The following CYP19A1 variants were observed in gnomAD, a reference collection of about 807,000 sequenced individuals.
CYP19A1 encodes the protein aromatase.
A neutral mutation model predicts 44.4 loss-of-function variants in CYP19A1; 32 were observed. The ratio of observed to expected loss-of-function variants is 0.72; its 90% CI spans 0.54 to 0.97. CYP19A1 has a LOEUF of 0.97. Among genes scored for constraint, CYP19A1 ranks in the 50% least tolerant of loss-of-function variants. CYP19A1 has a pLI of 0.00. For synonymous variants in CYP19A1, 212 were observed against 215.6 expected, an observed-to-expected ratio of 0.98 and a Z score of 0.14; for missense variants, 598 against 637.8, an observed-to-expected ratio of 0.94 and a Z score of 0.67.
chr15:51,297,402 G>A (rs1319729232), intron 1 of CYP19A1, among the ~76,000 whole-genome samples: 2 of 152,204 alleles, frequency 1.3e-5, no homozygotes, highest in Non-Finnish European at 2.9e-5. Context: ...GGGAGACAGA[G>A]TCCCATGGAG....
rs1475850066 is a variant in CYP19A1 at position 51,210,650 on chromosome 15, T to C, written c.*158A>G. ...GGTGTGAACAGGAGCAGATGACAAA[T>C]AGCACCTAGCTTGGTGACAACCCAT... On this transcript the variant is annotated 3_prime_UTR_variant, in exon 10 of 10. Transcript: ENST00000396402. 1 of 757,140 alleles carries C rather than the reference T, an allele frequency of 1.3e-6. No individual in the cohort carries two copies. The highest frequency in any genetic ancestry group is 2.4e-6 in the Non-Finnish European group (1 of 411,750). The allele number at this position is 757,140 out of a possible 1,614,324, so 46.9% of individuals were successfully genotyped here.
chr15:51,309,311 C>T (rs947114790), intron 1 of CYP19A1, among the ~76,000 whole-genome samples: 1 of 152,116 alleles, frequency 6.6e-6, no homozygotes, highest in Admixed American at 6.5e-5. Context: ...TTCTAGCCTC[C>T]AGAACAATGA....
intron 1 of CYP19A1, among the ~76,000 whole-genome samples, chr15:51,327,660 ATG>A (rs2036632985): frequency 6.6e-6 from 1 of 152,132 alleles, no homozygotes; most frequent in African/African-American, 2.4e-5. Flanking sequence ...CAACAGACAG[ATG>A]CGTGTTCTTC....
intron 1 of CYP19A1, among the ~76,000 whole-genome samples, chr15:51,291,106 T>G (rs906156086): frequency 6.6e-6 from 1 of 152,172 alleles, no homozygotes; most frequent in Non-Finnish European, 1.5e-5. Context: ...GGCAGAAAAC[T>G]AGGTTTGAGG....
intron 1 of CYP19A1, chr15:51,318,689 C>T (rs1364681687): frequency 6.6e-6 from 1 of 152,202 alleles, no homozygotes; most frequent in Admixed American, 6.5e-5. Flanking sequence ...TTCACAGATT[C>T]CAGAGGGCTG....
intron 1 of CYP19A1, among the ~76,000 whole-genome samples, chr15:51,286,620 C>T (rs2035707115): frequency 1.3e-5 from 2 of 152,126 alleles, no homozygotes; most frequent in African/African-American, 4.8e-5. Context: ...AAAGGGAATC[C>T]TCCCCAAGAA....
intron 6 of CYP19A1, among the ~76,000 whole-genome samples, chr15:51,217,004 C>T (rs952249210): frequency 1.3e-5 from 2 of 152,142 alleles, no homozygotes; most frequent in African/African-American, 4.8e-5. Flanking sequence ...TACAATAAAT[C>T]CATCTTCCAA....
chr15:51,287,408 T>C (rs1008991135), intron 1 of CYP19A1, among the ~76,000 whole-genome samples: 1 of 152,154 alleles, frequency 6.6e-6, no homozygotes, highest in Non-Finnish European at 1.5e-5. Flanking sequence ...CTGCTTGGAA[T>C]TGGCCCGGAA....
At chr15:51,269,557 A>T (rs1010560083) in intron 1 of CYP19A1, among the ~76,000 whole-genome samples, 20 of 152,030 alleles carry the variant, frequency 1.3e-4, no homozygotes, top group Admixed American at 7.2e-4. Context: ...AAACAACAAC[A>T]ACTACCACTA....
intron 3 of CYP19A1, among the ~76,000 whole-genome samples, chr15:51,233,688 A>C (rs549547212): frequency 2.0e-5 from 3 of 152,374 alleles, no homozygotes; most frequent in East Asian, 3.9e-4. Context: ...AATTGCTAAC[A>C]GATATGCAAA....
rs2031464149 is a variant in CYP19A1 at position 51,215,323 on chromosome 15, A to G, written c.859-91T>C. On this transcript the variant is annotated intron_variant, in intron 7 of 9. Coordinates refer to ENST00000396402, the MANE Select transcript of CYP19A1 (RefSeq NM_000103.4). ...TGACACTCAAGGATCAACAACCTCA[A>G]CAAAATGAAATCATAGAAACCACAT... The G allele has an allele frequency of 3.2e-6, 5 of 1,571,724 alleles. No individual in the cohort carries two copies. In the East Asian group the frequency reaches 9.1e-5, roughly 28 times the overall value.
At chr15:51,282,962 G>C (rs1291396826) in intron 1 of CYP19A1, among the ~76,000 whole-genome samples, 1 of 152,188 alleles carries the variant, frequency 6.6e-6, no homozygotes, top group East Asian at 1.9e-4. Context: ...AAGGAGTTTT[G>C]CCCATGGTTC....
rs1486608852 is a variant in CYP19A1 at position 51,211,056 on chromosome 15, C to T, written c.1264G>A (p.Val422Ile). ...AATGGCTGAAAGTACCTATAAGGAA[C>T]CTATGAAAATGATCAGACAGTTAGC... ...EFTLENFAKN[V>I]PYRYFQPFGF... The change falls in exon 10 of 10, where the codon GTT (valine) becomes ATT (isoleucine). Residue 422 changes from valine (V) to isoleucine (I), a missense_variant and splice_region_variant. By Grantham distance (29) the Val-to-Ile change is conservative. Transcript: ENST00000396402. The T allele has an allele frequency of 6.3e-7, 1 of 1,577,088 alleles. No individual in the cohort carries two copies. The highest frequency in any genetic ancestry group is 8.7e-7 in the Non-Finnish European group (1 of 1,146,416).
intron 6 of CYP19A1, 46 bp downstream of exon 6, chr15:51,218,495 A>G (rs751277444): frequency 1.3e-6 from 2 of 1,576,854 alleles, no homozygotes; most frequent in East Asian, 4.6e-5. Context: ...AGGGAAAAAA[A>G]CCAATCCAAT....
At chr15:51,295,425 T>G (rs1266245840) in intron 1 of CYP19A1, among the ~76,000 whole-genome samples, 2 of 152,178 alleles carry the variant, frequency 1.3e-5, no homozygotes, top group Non-Finnish European at 2.9e-5. Context: ...ATGGAGTTAC[T>G]GCCAGATTGC....
chr15:51,331,029 T>C (rs2036692620), intron 1 of CYP19A1, among the ~76,000 whole-genome samples: 1 of 152,062 alleles, frequency 6.6e-6, no homozygotes. Context: ...TGGTTGACTT[T>C]GGGAAGAATA....
At chr15:51,305,046 C>T (rs559803421) in intron 1 of CYP19A1, among the ~76,000 whole-genome samples, 11 of 151,662 alleles carry the variant, frequency 7.3e-5, no homozygotes, top group East Asian at 1.9e-4. Context: ...ATTACAGGCG[C>T]CTGCCACCAC....
chr15:51,251,184 C>T (rs898501771), intron 1 of CYP19A1, among the ~76,000 whole-genome samples: 2 of 152,100 alleles, frequency 1.3e-5, no homozygotes, highest in South Asian at 2.1e-4. Flanking sequence ...GTCGTTCCTC[C>T]GGCTTTAAGG....
Position 51,227,929 on chromosome 15 carries a change from A to G in CYP19A1, c.301T>C (p.Ser101Pro). Residue 101 changes from serine to proline, a missense_variant, in exon 4 of 10, where the codon TCA becomes CCA. Physicochemically the swap from Ser to Pro is moderately conservative, Grantham distance 74 (BLOSUM62 -1). Transcript: ENST00000396402. Reference protein sequence around the residue: ...GEETLIISKSSSMFHIMKHNH... With the variant: ...GEETLIISKSPSMFHIMKHNH... Reference sequence around the variant, plus strand: ...TGCTTCATTATGTGGAACATACTTGAGGACCTGAAAAGACAGGAAACTTTG... The same window carrying G: ...TGCTTCATTATGTGGAACATACTTGGGGACCTGAAAAGACAGGAAACTTTG... 6.3e-7 allele frequency: 1 copy of G among 1,585,100 alleles called. No individual in the cohort carries two copies. The highest frequency in any genetic ancestry group is 8.7e-7 in the Non-Finnish European group (1 of 1,153,558).
Sources: gnomAD v4.1 joint callset for allele counts (sites outside exome capture counted in the v4.1 genomes callset) on GRCh38, gnomAD v4.1.1 for gene constraint, MANE v1.5 for transcripts, NCBI Gene and HGNC (gene_info 2026-07-23, HGNC 2026-07-21) for gene names.